SLC9B1: variants seen among roughly 807,000 people sequenced by gnomAD.
SLC9B1 encodes the protein solute carrier family 9 member B1, also known as sodium/hydrogen exchanger 9B1.
In SLC9B1, 32 loss-of-function variants were observed where a neutral mutation model predicts 51.7. That is an observed-to-expected ratio of 0.62 (90% CI 0.47 to 0.83). The LOEUF (loss-of-function observed/expected upper bound fraction) is 0.83. Among genes scored for constraint, SLC9B1 ranks in the 40% least tolerant of loss-of-function variants. The pLI is 0.00. For synonymous variants in SLC9B1, 145 were observed against 212.7 expected (o/e 0.68, Z 2.77); for missense variants, 406 against 613.2 (o/e 0.66, Z 3.57).
At chr4:102,991,563 T>C in intron 2 of SLC9B1, 80 bp downstream of exon 2, 1 of 970,682 alleles carries the variant, frequency 1.0e-6, no homozygotes. Context: ...AAGAAACCTA[T>C]CTAATAAGTA....
Position 102,951,960 on chromosome 4 carries a change from C to CTTTTTTTTTT in SLC9B1, c.212-2543_212-2534dup, listed in dbSNP as rs765709645. On this transcript the variant is annotated intron_variant, in intron 3 of 11. Transcript: ENST00000296422. ...AGACTACCAAAGGCAAAAATAAAAT[C>CTTTTTTTTTT]TTTTTTTTTTTTTTTTTTTTATTAT... Among the ~76,000 whole-genome samples, 43 of 6,530 alleles carry CTTTTTTTTTT rather than the reference C, an allele frequency of 6.6e-3. 8 individuals carry two copies. The highest frequency in any genetic ancestry group is 0.014 in the African/African-American group (30 of 2,146). The allele number at this position is 6,530 out of a possible 152,430, so 4.3% of individuals were successfully genotyped here.
At chr4:103,015,080 C>T (rs1424711730) in intron 1 of SLC9B1, among the ~76,000 whole-genome samples, 1 of 152,098 alleles carries the variant, frequency 6.6e-6, no homozygotes. Flanking sequence ...TGTAAGGCTA[C>T]AAGATTTTCA....
chr4:102,932,201 A>T lies in SLC9B1; in HGVS notation c.752T>A (p.Leu251Ter), dbSNP rs1337369370. The change falls in exon 7 of 12, where the codon TTA becomes TAA. Residue 251 changes from leucine (L) to a stop codon, truncating the protein, a stop_gained. Transcript: ENST00000296422. LOFTEE classifies it high-confidence loss of function. ...GTCATCCATACTGCTAGCAGCCATT[A>T]ATAAGGTTGGAATGCCTTCCTCAAC... Reference protein sequence around the residue: ...YGVEEGIPTLLMAASSMDDIL... With the variant: ...YGVEEGIPTL 6.2e-7 allele frequency: 1 copy of T among 1,611,824 alleles called. No individual in the cohort carries two copies. Among genetic ancestry groups the T allele is most frequent in the Non-Finnish European group, 8.5e-7 (1 of 1,179,812 alleles).
At chr4:102,921,609 G>A (rs766762231) in intron 7 of SLC9B1, among the ~76,000 whole-genome samples, 16 of 152,112 alleles carry the variant, frequency 1.1e-4, no homozygotes, top group Non-Finnish European at 1.8e-4. Context: ...AAAAGACACA[G>A]ACTGGCAAAC....
chr4:102,940,085 C>T (rs539147940), intron 6 of SLC9B1, among the ~76,000 whole-genome samples: 1 of 152,132 alleles, frequency 6.6e-6, no homozygotes, highest in Admixed American at 6.5e-5. Context: ...AGGTGAAACA[C>T]TTTTATACCA....
intron 6 of SLC9B1, among the ~76,000 whole-genome samples, chr4:102,936,083 AC>A (rs1352141644): frequency 1.3e-5 from 2 of 152,208 alleles, no homozygotes; most frequent in African/African-American, 4.8e-5. Context: ...GAAGGGCCAG[AC>A]AACAAATCTG....
At chr4:103,000,877 A>G (rs1431799842) in intron 1 of SLC9B1, among the ~76,000 whole-genome samples, 1 of 152,220 alleles carries the variant, frequency 6.6e-6, no homozygotes, top group East Asian at 1.9e-4. Context: ...CAGCTCCACT[A>G]GGTAGTGCCC....
chr4:102,911,871 G>A (rs1280621364), intron 7 of SLC9B1: 5 of 203,658 alleles, frequency 2.5e-5, no homozygotes, highest in South Asian at 2.3e-4. Context: ...AGTGGCTCAC[G>A]CCTGTAATCC....
In SLC9B1 at chr4:102,935,244, A is replaced by G. The variant is rs1395830794; in HGVS notation, c.654-2945T>C. On this transcript the variant is annotated intron_variant, in intron 6 of 11. Coordinates refer to ENST00000296422, the MANE Select transcript of SLC9B1 (RefSeq NM_139173.4). The stretch of plus-strand genomic sequence containing the variant: ...GACAACACATATATAAAAGATATTC[A>G]AGTTTGTGAATAATCACAGAAATGC... Among the ~76,000 whole-genome samples the G allele has an allele frequency of 2.0e-5, 3 of 152,208 alleles. No individual in the cohort carries two copies. In the South Asian group the frequency reaches 6.2e-4, roughly 31 times the overall value.
In SLC9B1 at chr4:102,907,766, AC is replaced by A. The variant is rs766051709; in HGVS notation, c.1087-1123del. On this transcript the variant is annotated intron_variant, in intron 9 of 11. Coordinates refer to ENST00000296422, the MANE Select transcript of SLC9B1 (RefSeq NM_139173.4). ...TATCTTCATAACTATTTCCCTTATGACTGTGTTTTCTGATCCCCACTTATTA... is the reference window on the plus strand; with the variant it reads ...TATCTTCATAACTATTTCCCTTATGATGTGTTTTCTGATCCCCACTTATTA... Among the ~76,000 whole-genome samples, 14 of 152,310 alleles carry A rather than the reference AC, an allele frequency of 9.2e-5. No individual in the cohort carries two copies. In the East Asian group the frequency reaches 1.9e-3, roughly 21 times the overall value.
At chr4:102,969,344 C>T (rs1738618673) in intron 3 of SLC9B1, among the ~76,000 whole-genome samples, 1 of 152,192 alleles carries the variant, frequency 6.6e-6, no homozygotes, top group Non-Finnish European at 1.5e-5. Flanking sequence ...GACACCCAGG[C>T]AAACAGGGTC....
chr4:102,961,668 C>T (rs1738135569), intron 3 of SLC9B1, among the ~76,000 whole-genome samples: 1 of 152,176 alleles, frequency 6.6e-6, no homozygotes, highest in African/African-American at 2.4e-5. Context: ...CCTTTAATTC[C>T]CATTCACTAT....
intron 3 of SLC9B1, among the ~76,000 whole-genome samples, chr4:102,954,108 T>G (rs1213982077): frequency 2.8e-5 from 1 of 35,162 alleles, no homozygotes; most frequent in Non-Finnish European, 4.7e-5. Flanking sequence ...GGCTGTGGGT[T>G]TGTCATAGAT....
chr4:102,974,258 A>C (rs1738937253), intron 3 of SLC9B1, among the ~76,000 whole-genome samples: 1 of 146,850 alleles, frequency 6.8e-6, no homozygotes, highest in Admixed American at 6.8e-5. Context: ...AAAAAAAAAA[A>C]AAAAAAAATC....
chr4:102,963,162 A>T (rs553169627), intron 3 of SLC9B1: 2 of 361,114 alleles, frequency 5.5e-6, no homozygotes, highest in African/African-American at 4.3e-5. Context: ...CTAAGTTTGC[A>T]GAGGTTCAGG....
At chr4:102,992,463 T>G (rs1344616736) in intron 1 of SLC9B1, among the ~76,000 whole-genome samples, 2 of 152,142 alleles carry the variant, frequency 1.3e-5, no homozygotes, top group Non-Finnish European at 2.9e-5. Flanking sequence ...GCTTCAAGTA[T>G]CTATACTTTT....
Position 103,019,295 on chromosome 4 carries a change from A to C in SLC9B1, c.-2+304T>G, listed in dbSNP as rs113667549. On this transcript the variant is annotated intron_variant, in intron 1 of 11. Coordinates refer to ENST00000296422, the MANE Select transcript of SLC9B1 (RefSeq NM_139173.4). ...TACACGCTTAATAAAATTAATTTTGAGGTCAATCTTAACTGACAGATCTCT... is the reference window on the plus strand; with the variant it reads ...TACACGCTTAATAAAATTAATTTTGCGGTCAATCTTAACTGACAGATCTCT... 3.2e-3 allele frequency among the ~76,000 whole-genome samples: 490 copies of C among 152,320 alleles called. 5 individuals carry two copies. The highest frequency in any genetic ancestry group is 0.017 in the Middle Eastern group (5 of 294).
chr4:102,916,036 A>G (rs1237168136), intron 7 of SLC9B1, among the ~76,000 whole-genome samples: 1 of 152,202 alleles, frequency 6.6e-6, no homozygotes, highest in Non-Finnish European at 1.5e-5. Context: ...AGTGGAAAAA[A>G]ATAGCTGCAA....
intron 3 of SLC9B1, among the ~76,000 whole-genome samples, chr4:102,977,506 T>A (rs1486848191): frequency 6.6e-6 from 1 of 152,198 alleles, no homozygotes; most frequent in East Asian, 1.9e-4. Flanking sequence ...ACCTTATAGG[T>A]ATTCAATAAA....
Sources: gnomAD v4.1 joint callset for allele counts (sites outside exome capture counted in the v4.1 genomes callset) on GRCh38, gnomAD v4.1.1 for gene constraint, MANE v1.5 for transcripts, NCBI Gene and HGNC (gene_info 2026-07-23, HGNC 2026-07-21) for gene names.